ZNF223: variants seen among roughly 807,000 people sequenced by gnomAD.
ZNF223 encodes the protein zinc finger protein 223, also known as Homo sapiens zinc finger protein 223.
In ZNF223, 9 loss-of-function variants were observed where a neutral mutation model predicts 12.3. The observed-to-expected ratio is 0.73, with a 90% confidence interval of 0.44 to 1.28. ZNF223 has a LOEUF of 1.28. Ranked by LOEUF, ZNF223 falls within the 50% of genes most tolerant of loss-of-function variation. The pLI, the probability that ZNF223 is intolerant of heterozygous loss-of-function variation, is 0.00. For synonymous variants in ZNF223, 171 were observed against 195.2 expected (o/e 0.88, Z 1.03); for missense variants, 506 against 579.0 (o/e 0.87, Z 1.29).
chr19:44,060,980 T>C (rs1976830952), intron 4 of ZNF223, 139 bp downstream of exon 4: 2 of 783,736 alleles, frequency 2.6e-6, no homozygotes, highest in Non-Finnish European at 4.2e-6. Flanking sequence ...CTAGTGGCCC[T>C]GCTCCGTGCC....
chr19:44,064,553 T>C (rs942401531), intron 4 of ZNF223, among the ~76,000 whole-genome samples: 14 of 152,212 alleles, frequency 9.2e-5, no homozygotes, highest in African/African-American at 3.4e-4. Flanking sequence ...GTTTGATGTT[T>C]AGTATCATGA....
chr19:44,066,102 G>A lies in ZNF223; in HGVS notation c.274G>A (p.Ala92Thr), dbSNP rs1402882176. ...IQPEMKTFPE[A>T]GPHEGWSCQQ... ...ACCTGAGATGAAGACTTTTCCAGAA[G>A]CAGGACCACATGAAGGGTGGTCCTG... Residue 92 changes from alanine (A) to threonine (T), a missense_variant, in exon 5 of 5, where the codon GCA becomes ACA. Coordinates refer to ENST00000434772, the MANE Select transcript of ZNF223 (RefSeq NM_013361.6). 3.1e-6 allele frequency: 5 copies of A among 1,606,430 alleles called. No individual in the cohort carries two copies. In the African/African-American group the frequency reaches 4.0e-5, roughly 13 times the overall value.
intron 4 of ZNF223, among the ~76,000 whole-genome samples, chr19:44,065,280 G>A (rs1413167140): frequency 6.6e-6 from 1 of 152,078 alleles, no homozygotes; most frequent in African/African-American, 2.4e-5. Flanking sequence ...TTTTAAAAAT[G>A]TTTTTTAAGC....
At chr19:44,061,496 C>A (rs928424783) in intron 4 of ZNF223, among the ~76,000 whole-genome samples, 1 of 152,216 alleles carries the variant, frequency 6.6e-6, no homozygotes, top group African/African-American at 2.4e-5. Flanking sequence ...AAGGCAGCTA[C>A]ATTGCATCCT....
intron 4 of ZNF223, among the ~76,000 whole-genome samples, chr19:44,062,102 A>G (rs565149334): frequency 1.0e-3 from 153 of 152,314 alleles, no homozygotes; most frequent in African/African-American, 3.6e-3. Flanking sequence ...TGATGAATGA[A>G]TTAATGGATG....
chr19:44,055,264 C>T, intron 2 of ZNF223, 73 bp downstream of exon 2: 2 of 1,539,542 alleles, frequency 1.3e-6, no homozygotes, highest in African/African-American at 1.4e-5. Context: ...TTTTCTCTGC[C>T]CTGGGAAGAC....
intron 4 of ZNF223, among the ~76,000 whole-genome samples, chr19:44,061,203 C>T (rs73556299): frequency 0.029 from 4,474 of 152,308 alleles, 216 homozygotes; most frequent in African/African-American, 0.1. Context: ...TCCATCTTTT[C>T]TGGCCACCTT....
intron 4 of ZNF223, among the ~76,000 whole-genome samples, chr19:44,064,888 CA>C (rs1976884801): frequency 6.6e-6 from 1 of 152,120 alleles, no homozygotes; most frequent in Non-Finnish European, 1.5e-5. Flanking sequence ...AAGGAACCAC[CA>C]ATCAGGGAAA....
intron 2 of ZNF223, among the ~76,000 whole-genome samples, chr19:44,056,137 C>G (rs1976759612): frequency 6.6e-6 from 1 of 152,046 alleles, no homozygotes; most frequent in South Asian, 2.1e-4. Context: ...CTCAGGTGTA[C>G]TCATTGTTCC....
chr19:44,055,459 G>A (rs1454967607), intron 2 of ZNF223, among the ~76,000 whole-genome samples: 1 of 146,970 alleles, frequency 6.8e-6, no homozygotes, highest in Non-Finnish European at 1.5e-5. Context: ...CAGCCAGAAA[G>A]CCTTCATTTA....
chr19:44,066,815 G>A lies in ZNF223; in HGVS notation c.987G>A (p.Leu329=), dbSNP rs2095676095. The A allele has an allele frequency of 1.2e-6, 2 of 1,613,038 alleles. No individual in the cohort carries two copies. The highest frequency in any genetic ancestry group is 1.7e-6 in the Non-Finnish European group (2 of 1,179,746). Residue 329 remains leucine (L), a synonymous_variant, in exon 5 of 5, where the codon CTG becomes CTA. Coordinates refer to ENST00000434772, the MANE Select transcript of ZNF223 (RefSeq NM_013361.6). Reference sequence around the variant, plus strand: ...ATGGAAAAGGCTTCATTCGTAGGCTGGATTTGTGTAAGCATCAGACGATCC... The same window carrying A: ...ATGGAAAAGGCTTCATTCGTAGGCTAGATTTGTGTAAGCATCAGACGATCC... ...GEYGKGFIRR[L]DLCKHQTIHT... is the part of the protein sequence containing the mutation.
chr19:44,060,260 T>C lies in ZNF223; in HGVS notation c.16-195T>C, dbSNP rs371765309. The C allele has an allele frequency of 1.7e-5, 16 of 968,712 alleles. No homozygotes were observed. In the East Asian group the frequency reaches 3.0e-4, roughly 18 times the overall value. The allele number at this position is 968,712 out of a possible 1,614,324, so 60.0% of individuals were successfully genotyped here. A position where few individuals can be genotyped will look rare whatever the true frequency, so the allele number is the denominator to read the frequency against. ...CACAAGACTTCTTTGTCGTTGGACT[T>C]CTGATGACGCTTGGGACAATCAAGG... On this transcript the variant is annotated intron_variant, in intron 2 of 4. Transcript: ENST00000434772.
At chr19:44,055,241 G>A in intron 2 of ZNF223, 50 bp downstream of exon 2, 3 of 1,602,390 alleles carry the variant, frequency 1.9e-6, no homozygotes, top group South Asian at 1.1e-5. Context: ...TCACTACTCA[G>A]ATTGTTGTGT....
chr19:44,055,048 G>A (rs1178820372), intron 1 of ZNF223, 61 bp from the exon 2 acceptor site: 1 of 784,202 alleles, frequency 1.3e-6, no homozygotes, highest in Non-Finnish European at 2.1e-6. Context: ...GTCCTTGTTG[G>A]TGGGTGACAT....
intron 1 of ZNF223, among the ~76,000 whole-genome samples, chr19:44,052,576 A>G (rs879183451): frequency 6.6e-6 from 1 of 152,224 alleles, no homozygotes. Flanking sequence ...TTTCAAAGCT[A>G]TAGAAAAATT....
chr19:44,066,003 C>A, intron 4 of ZNF223, 61 bp from the exon 5 acceptor site: 2 of 1,518,386 alleles, frequency 1.3e-6, no homozygotes, highest in Non-Finnish European at 1.8e-6. Context: ...TAAGTGTGAA[C>A]TCTTAAAAAC....
intron 3 of ZNF223, 67 bp from the exon 4 acceptor site, chr19:44,060,682 A>G (rs748845628): frequency 5.7e-5 from 92 of 1,613,636 alleles, no homozygotes; most frequent in Non-Finnish European, 7.3e-5. Context: ...CTAAATTTCC[A>G]ATAAGTGTTA....
intron 1 of ZNF223, among the ~76,000 whole-genome samples, chr19:44,052,615 A>G (rs1413855183): frequency 1.3e-5 from 2 of 152,064 alleles, no homozygotes; most frequent in Non-Finnish European, 2.9e-5. Context: ...ATTCTCATAT[A>G]CCCTTTACCC....
chr19:44,067,327 T>C lies in ZNF223; in HGVS notation c.*50T>C. 1 of 1,487,062 alleles carries C rather than the reference T, an allele frequency of 6.7e-7. No homozygotes were observed. The highest frequency in any genetic ancestry group is 9.2e-7 in the Non-Finnish European group (1 of 1,087,258). The allele number at this position is 1,487,062 out of a possible 1,614,324, so 92.1% of individuals were successfully genotyped here. On this transcript the variant is annotated 3_prime_UTR_variant, in exon 5 of 5. Coordinates refer to ENST00000434772, the MANE Select transcript of ZNF223 (RefSeq NM_013361.6). ...AGTGTGATATTTAAATATATGTATATGATGTATAATGATCAAATCAGTGTA... is the reference window on the plus strand; with the variant it reads ...AGTGTGATATTTAAATATATGTATACGATGTATAATGATCAAATCAGTGTA...
Sources: gnomAD v4.1 joint callset for allele counts (sites outside exome capture counted in the v4.1 genomes callset) on GRCh38, gnomAD v4.1.1 for gene constraint, MANE v1.5 for transcripts, NCBI Gene and HGNC (gene_info 2026-07-23, HGNC 2026-07-21) for gene names.